The following RMND1 variants were observed in gnomAD, a reference collection of about 807,000 sequenced individuals.
RMND1 encodes the protein required for meiotic nuclear division 1 homolog, also known as required for meiotic nuclear division protein 1 homolog.
Under a neutral mutation model 54.0 loss-of-function variants are expected in RMND1, and 41 were observed. The ratio of observed to expected loss-of-function variants is 0.76; its 90% CI spans 0.59 to 0.98. RMND1 has a LOEUF of 0.98. RMND1 is among the 50% of genes least tolerant of loss of function. The pLI is 0.00. For synonymous variants in RMND1, 183 were observed against 181.7 expected (o/e 1.01, Z -0.06); for missense variants, 457 against 532.0 (o/e 0.86, Z 1.39).
At chr6:151,440,188 C>T (rs532918407) in intron 2 of RMND1, among the ~76,000 whole-genome samples, 1 of 152,264 alleles carries the variant, frequency 6.6e-6, no homozygotes, top group Non-Finnish European at 1.5e-5. Flanking sequence ...AACTCCTGAC[C>T]TCTGGTAATC....
chr6:151,418,739 C>G (rs1780074239), intron 9 of RMND1, among the ~76,000 whole-genome samples: 1 of 152,188 alleles, frequency 6.6e-6, no homozygotes, highest in Non-Finnish European at 1.5e-5. Flanking sequence ...CACTCTCTCT[C>G]TTAATTTCTA....
chr6:151,419,801 T>C (rs1780107837), intron 9 of RMND1, among the ~76,000 whole-genome samples: 1 of 152,092 alleles, frequency 6.6e-6, no homozygotes, highest in Non-Finnish European at 1.5e-5. Flanking sequence ...AATCCTTTAT[T>C]CTCCCCAAGG....
Position 151,449,060 on chromosome 6 carries a change from C to CAAAAAAAAAA in RMND1, c.-15+2946_-15+2955dup, listed in dbSNP as rs71014585. The stretch of plus-strand genomic sequence containing the variant: ...TGAGCAACAAAGCGAGACTCTGTCT[C>CAAAAAAAAAA]AAAAAAAAAAAAAAAAAAAAAAAAA... On this transcript the variant is annotated intron_variant, in intron 1 of 11. Coordinates refer to ENST00000444024, the MANE Select transcript of RMND1 (RefSeq NM_017909.4). Among the ~76,000 whole-genome samples the CAAAAAAAAAA allele has an allele frequency of 2.8e-3, 52 of 18,678 alleles. 11 individuals are homozygous for CAAAAAAAAAA. The highest frequency in any genetic ancestry group is 0.01 in the African/African-American group (42 of 4,020). 12.3% of individuals were successfully genotyped at this position (18,678 alleles called of 152,430 possible). A position where few individuals can be genotyped will look rare whatever the true frequency, so the allele number is the denominator to read the frequency against.
chr6:151,445,481 GT>G lies in RMND1; in HGVS notation c.330del (p.Lys110AsnfsTer11). The G allele has an allele frequency of 6.2e-7, 1 of 1,614,184 alleles. No individual in the cohort carries two copies. Among genetic ancestry groups the G allele is most frequent in the Non-Finnish European group, 8.5e-7 (1 of 1,180,040 alleles). On this transcript the variant is annotated frameshift_variant, in exon 2 of 12. Coordinates refer to ENST00000444024, the MANE Select transcript of RMND1 (RefSeq NM_017909.4). LOFTEE classifies it high-confidence loss of function. ...AACCATTTAGAACCCAACAGATTTG[GT>G]TTGTGGGTCACTCTCCTGTGAGTAC... is the stretch of plus-strand genomic sequence containing the variant. ...SFGTHRRVTH[K>X]PNLLGSKWFI... is the part of the protein sequence containing the mutation.
intron 7 of RMND1, 53 bp downstream of exon 7, chr6:151,423,472 C>T (rs189653353): frequency 1.8e-6 from 2 of 1,116,392 alleles, no homozygotes; most frequent in East Asian, 2.4e-5. Flanking sequence ...TTTAAACTTC[C>T]CTCAGTGAAA....
intron 10 of RMND1, chr6:151,413,759 TC>T (rs1245418332): frequency 6.6e-6 from 1 of 152,256 alleles, no homozygotes; most frequent in Non-Finnish European, 1.5e-5. Context: ...TAATTACACC[TC>T]TGTTATCTAA....
intron 10 of RMND1, among the ~76,000 whole-genome samples, chr6:151,406,204 T>A (rs977193972): frequency 2.0e-5 from 3 of 152,184 alleles, no homozygotes; most frequent in African/African-American, 7.2e-5. Context: ...AATCTACGCT[T>A]AACATTTGAC....
At chr6:151,422,025 C>T (rs187994567) in intron 8 of RMND1, among the ~76,000 whole-genome samples, 1 of 151,930 alleles carries the variant, frequency 6.6e-6, no homozygotes, top group African/African-American at 2.4e-5. Context: ...AAAAAGTAAT[C>T]AATATGAAGT....
chr6:151,405,342 G>T, intron 11 of RMND1, 75 bp from the exon 12 acceptor site: 1 of 1,352,522 alleles, frequency 7.4e-7, no homozygotes, highest in Middle Eastern at 1.8e-4. Flanking sequence ...CCAAGATTGT[G>T]ATTAATGAGA....
chr6:151,410,054 T>C (rs909738117), intron 10 of RMND1, among the ~76,000 whole-genome samples: 1 of 139,110 alleles, frequency 7.2e-6, no homozygotes, highest in Non-Finnish European at 1.5e-5. Flanking sequence ...TACTCTTTGT[T>C]CCATTTTTTT....
chr6:151,427,620 ACTCCCTC>A, intron 5 of RMND1, 38 bp from the exon 6 acceptor site: 3 of 1,284,376 alleles, frequency 2.3e-6, no homozygotes, highest in Non-Finnish European at 3.4e-6. Flanking sequence ...ATCATAACTG[ACTCCCTC>A]AGTTCAAGTA....
At chr6:151,424,291 T>G (rs914828176) in intron 6 of RMND1, among the ~76,000 whole-genome samples, 9 of 152,040 alleles carry the variant, frequency 5.9e-5, no homozygotes, top group Non-Finnish European at 1.2e-4. Context: ...AAACCCCGTC[T>G]CTACTCAAAA....
chr6:151,447,810 CTTTTTTTT>C (rs869136474), intron 1 of RMND1, among the ~76,000 whole-genome samples: 2 of 110,342 alleles, frequency 1.8e-5, no homozygotes, highest in Non-Finnish European at 3.5e-5. Context: ...TGAGTAAATT[CTTTTTTTT>C]TTTTTTTTTT....
chr6:151,414,828 T>C (rs1305523947), intron 10 of RMND1, among the ~76,000 whole-genome samples: 2 of 152,066 alleles, frequency 1.3e-5, no homozygotes, highest in Admixed American at 1.3e-4. Context: ...GTAGATGTCA[T>C]AGAATTATGG....
Position 151,405,237 on chromosome 6 carries a change from A to G in RMND1, c.1348T>C (p.Ter450ArgextTer31), listed in dbSNP as rs1554340243. The G allele has an allele frequency of 6.2e-7, 1 of 1,612,648 alleles. No homozygotes were observed. ...VMFELGRVFF[*>R] is the part of the protein sequence containing the mutation. The stretch of plus-strand genomic sequence containing the variant: ...GTGACACTTTGGTTATCACTTGATC[A>G]GAAAAATACTCGTCCCAGCTCAAAC... Residue 450 changes from the stop codon to arginine, a stop_lost, in exon 12 of 12, where the codon TGA (stop) becomes CGA (arginine). Transcript: ENST00000444024.
At chr6:151,421,189 GT>G (rs1366531489) in intron 9 of RMND1, 55 bp downstream of exon 9, 3 of 1,277,438 alleles carry the variant, frequency 2.3e-6, no homozygotes, top group Non-Finnish European at 3.4e-6. Flanking sequence ...CTATGGGAAT[GT>G]TTTCTTGAGA....
At chr6:151,405,931 C>T (rs2114908703) in intron 10 of RMND1, 95 bp from the exon 11 acceptor site, 2 of 594,906 alleles carry the variant, frequency 3.4e-6, no homozygotes, top group East Asian at 2.9e-5. Flanking sequence ...AATCCTGCTC[C>T]TCAGTCCTCT....
intron 6 of RMND1, among the ~76,000 whole-genome samples, chr6:151,425,239 G>C (rs921773769): frequency 6.6e-5 from 10 of 152,148 alleles, no homozygotes; most frequent in African/African-American, 2.4e-4. Context: ...CACTGTGCTT[G>C]GTCACAAGAT....
intron 5 of RMND1, among the ~76,000 whole-genome samples, chr6:151,429,393 T>C (rs1780392424): frequency 6.6e-6 from 1 of 152,204 alleles, no homozygotes; most frequent in South Asian, 2.1e-4. Flanking sequence ...AGTGCTGGGA[T>C]TACAGGCGTG....
Sources: allele counts gnomAD v4.1 joint callset (sites outside exome capture counted in the v4.1 genomes callset), GRCh38; gene constraint gnomAD v4.1.1; transcripts MANE v1.5; gene names NCBI Gene and HGNC (gene_info 2026-07-23, HGNC 2026-07-21).